Variants in TERT observed in about 807,000 individuals in gnomAD.
TERT encodes the protein telomerase catalytic subunit.
In TERT, 42 loss-of-function variants were observed where a neutral mutation model predicts 104.0. That is an observed-to-expected ratio of 0.40 (90% CI 0.32 to 0.52). The LOEUF is 0.52. Among genes scored for constraint, TERT ranks in the 20% least tolerant of loss-of-function variants. The pLI is 0.43. For synonymous variants in TERT, 781 were observed against 725.6 expected, an observed-to-expected ratio of 1.08 and a Z score of -1.23; for missense variants, 1,101 against 1,610.3, an observed-to-expected ratio of 0.68 and a Z score of 5.41.
intron 2 of TERT, among the ~76,000 whole-genome samples, chr5:1,283,791 C>T (rs181380919): frequency 2.0e-3 from 287 of 146,852 alleles, no homozygotes; most frequent in Non-Finnish European, 3.2e-3. Flanking sequence ...CAGACCTGCA[C>T]CATCCGGACA....
chr5:1,253,639 G>T lies in TERT; in HGVS notation c.*89C>A. ...GACTCCCAGCGGTGCGGGCCTGGGT[G>T]TGGGCCGCCCCTCCCTCCCTGGGAC... is the stretch of plus-strand genomic sequence containing the variant. On this transcript the variant is annotated 3_prime_UTR_variant, in exon 16 of 16. Transcript: ENST00000310581. 1 of 1,155,924 alleles carries T rather than the reference G, an allele frequency of 8.7e-7. No homozygotes were observed. The highest frequency in any genetic ancestry group is 1.3e-6 in the Non-Finnish European group (1 of 791,224). The allele number at this position is 1,155,924 out of a possible 1,614,324, so 71.6% of individuals were successfully genotyped here. A position where few individuals can be genotyped will look rare whatever the true frequency, so the allele number is the denominator to read the frequency against.
chr5:1,289,461 C>T (rs1392414729), intron 2 of TERT, among the ~76,000 whole-genome samples: 1 of 53,872 alleles, frequency 1.9e-5, no homozygotes, highest in Non-Finnish European at 3.5e-5. Context: ...CACCCGGGGA[C>T]GGCGCCTCAC....
At chr5:1,291,564 G>A (rs1242188349) in intron 2 of TERT, among the ~76,000 whole-genome samples, 14 of 119,494 alleles carry the variant, frequency 1.2e-4, no homozygotes, top group Admixed American at 2.5e-4. Context: ...CGGGGACCGC[G>A]CCTCACTCAC....
At chr5:1,282,678 C>A (rs1340938172) in intron 2 of TERT, 54 bp from the exon 3 acceptor site, 3 of 1,582,208 alleles carry the variant, frequency 1.9e-6, no homozygotes, top group Admixed American at 1.7e-5. Context: ...GGTGACCTCA[C>A]CCCGGACCTG....
intron 4 of TERT, among the ~76,000 whole-genome samples, chr5:1,279,889 C>T (rs558306140): frequency 1.5e-4 from 23 of 152,320 alleles, no homozygotes; most frequent in East Asian, 9.7e-4. Context: ...GACCTCGGGC[C>T]GTGCTGCATC....
At position 1,261,574 on chromosome 5, in the gene TERT, G is replaced by T. The variant is rs1046725330; in HGVS notation, c.2844-974C>A. Among the ~76,000 whole-genome samples, 1 of 152,242 alleles carries T rather than the reference G, an allele frequency of 6.6e-6. No individual in the cohort carries two copies. Among genetic ancestry groups the T allele is most frequent in the Non-Finnish European group, 1.5e-5 (1 of 68,040 alleles). ...GGCTCTTGGCAAGCCCAGAAAAGGAGCCAGCATGAGGGATGGGGACAGGTC... is the reference window on the plus strand; with the variant it reads ...GGCTCTTGGCAAGCCCAGAAAAGGATCCAGCATGAGGGATGGGGACAGGTC... On this transcript the variant is annotated intron_variant, in intron 11 of 15. Coordinates refer to ENST00000310581, the MANE Select transcript of TERT (RefSeq NM_198253.3). The surrounding 1 kb of genome is among the most constrained non-coding windows in gnomAD (Gnocchi z 7.4).
chr5:1,286,366 A>T lies in TERT; in HGVS notation c.1574-3742T>A, dbSNP rs1750487453. 6.6e-6 allele frequency among the ~76,000 whole-genome samples: 1 copy of T among 152,210 alleles called. No homozygotes were observed. Among genetic ancestry groups the T allele is most frequent in the Non-Finnish European group, 1.5e-5 (1 of 68,040 alleles). The stretch of plus-strand genomic sequence containing the variant: ...GGCCTGAGACAGAAGACAGACGGGG[A>T]ACAAAGGAGGAAAAGCAGGGCGGGG... On this transcript the variant is annotated intron_variant, in intron 2 of 15. Coordinates refer to ENST00000310581, the MANE Select transcript of TERT (RefSeq NM_198253.3). This position sits in a 1 kb window ranked among gnomAD's most constrained non-coding sequence, Gnocchi z 5.3.
chr5:1,273,133 C>CCGGGACCA, intron 6 of TERT, among the ~76,000 whole-genome samples: 1 of 26,590 alleles, frequency 3.8e-5, no homozygotes, highest in Non-Finnish European at 7.6e-5. Flanking sequence ...CATCAGACCC[C>CCGGGACCA]ACGACCGCCA....
In TERT at chr5:1,270,712, A is replaced by G. The variant is rs1430708693; in HGVS notation, c.2468+407T>C. Among the ~76,000 whole-genome samples, 1 of 152,256 alleles carries G rather than the reference A, an allele frequency of 6.6e-6. No homozygotes were observed. The highest frequency in any genetic ancestry group is 1.5e-5 in the Non-Finnish European group (1 of 68,048). ...ACAGGGACAGGAATGAGAATCGGAT[A>G]AAATCCTTTTGTATCGGGAGAGAGA... On this transcript the variant is annotated intron_variant, in intron 8 of 15. Transcript: ENST00000310581. The surrounding 1 kb of genome is among the most constrained non-coding windows in gnomAD (Gnocchi z 8.3).
At chr5:1,254,135 T>A (rs1410028350) in intron 15 of TERT, among the ~76,000 whole-genome samples, 1 of 152,100 alleles carries the variant, frequency 6.6e-6, no homozygotes, top group East Asian at 1.9e-4. Flanking sequence ...TGGGGAGCCA[T>A]CGCCCCTGAG....
Position 1,288,751 on chromosome 5 carries a change from G to A in TERT, c.1573+4562C>T, listed in dbSNP as rs189158214. ...CACAGGCAGCCCAGAGTCCAGCCTC[G>A]GCATGAGACAAGCTGGGAGAGGAGT... On this transcript the variant is annotated intron_variant, in intron 2 of 15. Transcript: ENST00000310581. This position sits in a 1 kb window ranked among gnomAD's most constrained non-coding sequence, Gnocchi z 5.3. Among the ~76,000 whole-genome samples, 50 of 152,240 alleles carry A rather than the reference G, an allele frequency of 3.3e-4. No individual in the cohort carries two copies. In the East Asian group the frequency reaches 7.0e-3, roughly 21 times the overall value.
rs2126692939 is a variant in TERT at position 1,294,962 on chromosome 5, C to G, written c.28G>C (p.Val10Leu). The G allele has an allele frequency of 7.3e-7, 1 of 1,366,950 alleles. No individual in the cohort carries two copies. The allele number at this position is 1,366,950 out of a possible 1,614,324, so 84.7% of individuals were successfully genotyped here. A position where few individuals can be genotyped will look rare whatever the true frequency, so the allele number is the denominator to read the frequency against. Residue 10 changes from valine (V) to leucine (L), a missense_variant, in exon 1 of 16, where the codon GTG (valine) becomes CTG (leucine). Val to Leu is a conservative substitution (Grantham distance 32). Coordinates refer to ENST00000310581, the MANE Select transcript of TERT (RefSeq NM_198253.3). ...TAGTGGCTGCGCAGCAGGGAGCGCA[C>G]GGCTCGGCAGCGGGGAGCGCGCGGC... MPRAPRCRA[V>L]RSLLRSHYRE...
chr5:1,271,956 G>C (rs1177227276), intron 7 of TERT, among the ~76,000 whole-genome samples: 1 of 152,260 alleles, frequency 6.6e-6, no homozygotes, highest in Non-Finnish European at 1.5e-5. Flanking sequence ...ACTGGAGAGA[G>C]GCCGCGCAGT....
At position 1,274,855 on chromosome 5, in the gene TERT, G is replaced by T. The variant is rs531959219; in HGVS notation, c.2287-2575C>A. On this transcript the variant is annotated intron_variant, in intron 6 of 15. Transcript: ENST00000310581. This position sits in a 1 kb window ranked among gnomAD's most constrained non-coding sequence, Gnocchi z 5.3. ...ATCGAAACTTTTCCTTCAAGGAGCCGGAAAAACAACAATAAACAAAGCCTA... is the reference window on the plus strand; with the variant it reads ...ATCGAAACTTTTCCTTCAAGGAGCCTGAAAAACAACAATAAACAAAGCCTA... Among the ~76,000 whole-genome samples the T allele has an allele frequency of 6.6e-6, 1 of 152,256 alleles. No individual in the cohort carries two copies. The highest frequency in any genetic ancestry group is 6.5e-5 in the Admixed American group (1 of 15,280).
chr5:1,268,896 T>C lies in TERT; in HGVS notation c.2469-263A>G, dbSNP rs1319058740. 6.6e-6 allele frequency among the ~76,000 whole-genome samples: 1 copy of C among 152,112 alleles called. No homozygotes were observed. On this transcript the variant is annotated intron_variant, in intron 8 of 15. Transcript: ENST00000310581. This position sits in a 1 kb window ranked among gnomAD's most constrained non-coding sequence, Gnocchi z 5.5. ...CTTGCTCTGAATCATCAAGGTTTTC[T>C]TTCATTAAGGTTTCTTAAATCTTAG... is the stretch of plus-strand genomic sequence containing the variant.
At chr5:1,267,306 G>A (rs902381515) in intron 9 of TERT, among the ~76,000 whole-genome samples, 3 of 152,164 alleles carry the variant, frequency 2.0e-5, no homozygotes, top group Non-Finnish European at 4.4e-5. Flanking sequence ...CTGTCTGCTT[G>A]TTCAGTGATA....
Position 1,268,670 on chromosome 5 carries a change from C to T in TERT, c.2469-37G>A, listed in dbSNP as rs1421664576. ...AGACACAGGTGAGAGACGGGCAGGGCATGTGCTGGACATGCGTACACTCAA... is the reference window on the plus strand; with the variant it reads ...AGACACAGGTGAGAGACGGGCAGGGTATGTGCTGGACATGCGTACACTCAA... On this transcript the variant is annotated intron_variant, in intron 8 of 15. Coordinates refer to ENST00000310581, the MANE Select transcript of TERT (RefSeq NM_198253.3). This position sits in a 1 kb window ranked among gnomAD's most constrained non-coding sequence, Gnocchi z 5.5. 1 of 1,492,928 alleles carries T rather than the reference C, an allele frequency of 6.7e-7. No individual in the cohort carries two copies. Among genetic ancestry groups the T allele is most frequent in the Non-Finnish European group, 9.3e-7 (1 of 1,071,914 alleles). 92.5% of individuals were successfully genotyped at this position (1,492,928 alleles called of 1,614,324 possible). A position where few individuals can be genotyped will look rare whatever the true frequency, so the allele number is the denominator to read the frequency against.
At position 1,286,447 on chromosome 5, in the gene TERT, G is replaced by A. The variant is rs1363717511; in HGVS notation, c.1574-3823C>T. ...ACAATATTAATAATGCTTAGCTTGTGGGGGTGTCAAGATGCCTGAGATAGA... is the reference window on the plus strand; with the variant it reads ...ACAATATTAATAATGCTTAGCTTGTAGGGGTGTCAAGATGCCTGAGATAGA... On this transcript the variant is annotated intron_variant, in intron 2 of 15. Coordinates refer to ENST00000310581, the MANE Select transcript of TERT (RefSeq NM_198253.3). The surrounding 1 kb of genome is among the most constrained non-coding windows in gnomAD (Gnocchi z 5.3). Among the ~76,000 whole-genome samples, 3 of 152,178 alleles carry A rather than the reference G, an allele frequency of 2.0e-5. No individual in the cohort carries two copies. The highest frequency in any genetic ancestry group is 7.2e-5 in the African/African-American group (3 of 41,430).
At chr5:1,264,090 G>A (rs565122293) in intron 11 of TERT, among the ~76,000 whole-genome samples, 61 of 152,302 alleles carry the variant, frequency 4.0e-4, no homozygotes, top group African/African-American at 8.7e-4. Flanking sequence ...AGAGACTCAC[G>A]CCCAGCAGGG....
Sources: gnomAD v4.1 joint callset for allele counts (sites outside exome capture counted in the v4.1 genomes callset) on GRCh38, gnomAD v4.1.1 for gene constraint, Gnocchi (gnomAD v3.1) non-coding constraint, MANE v1.5 for transcripts, NCBI Gene and HGNC (gene_info 2026-07-23, HGNC 2026-07-21) for gene names.